The following PRKD1 variants were observed in gnomAD, a reference collection of about 807,000 sequenced individuals.
PRKD1 encodes the protein protein kinase D1, also known as serine/threonine-protein kinase D1.
In PRKD1, 63 loss-of-function variants were observed where a neutral mutation model predicts 95.9. The observed-to-expected ratio is 0.66, with a 90% CI of 0.54 to 0.81. The LOEUF is 0.81. Ranked by LOEUF, PRKD1 falls within the 30% of genes least tolerant of loss-of-function variation. The pLI is 0.00. For synonymous variants in PRKD1, 425 were observed against 423.1 expected (o/e 1.00, Z -0.05); for missense variants, 1,048 against 1,165.3 (o/e 0.90, Z 1.47).
rs931935261 is a variant in PRKD1, at chr14:29,808,177, C to T, written c.265-82503G>A. Among the ~76,000 whole-genome samples the T allele has an allele frequency of 7.9e-5, 12 of 152,156 alleles. No individual in the cohort carries two copies. In the East Asian group the frequency reaches 2.1e-3, roughly 27 times the overall value. ...TCAATCCTCTCAAATCCTGCCACTGCTTTATCAACTAAGTTTATGTAAAAC... is the reference window on the plus strand; with the variant it reads ...TCAATCCTCTCAAATCCTGCCACTGTTTTATCAACTAAGTTTATGTAAAAC... On this transcript the variant is annotated intron_variant, in intron 1 of 17. Coordinates refer to ENST00000331968, the MANE Select transcript of PRKD1 (RefSeq NM_002742.3).
chr14:29,722,106 G>A (rs1172027298), intron 2 of PRKD1, among the ~76,000 whole-genome samples: 1 of 151,974 alleles, frequency 6.6e-6, no homozygotes, highest in Non-Finnish European at 1.5e-5. Context: ...CATTTTTACT[G>A]CAGTCCTGTG....
chr14:29,927,354 C>T lies in PRKD1; in HGVS notation c.159G>A (p.Leu53=). The T allele has an allele frequency of 6.4e-7, 1 of 1,566,602 alleles. No individual in the cohort carries two copies. Among genetic ancestry groups the T allele is most frequent in the African/African-American group, 1.4e-5 (1 of 71,618 alleles). The change falls in exon 1 of 18, where the codon CTG becomes CTA. Residue 53 remains leucine (L), a synonymous_variant. Coordinates refer to ENST00000331968, the MANE Select transcript of PRKD1 (RefSeq NM_002742.3). ...CCGGCTCACGGCTCAGGCCGATCTG[C>T]AGATGGAACGAGATGCCCCCGACCG... ...AAPVGGISFH[L]QIGLSREPVL...
intron 1 of PRKD1, among the ~76,000 whole-genome samples, chr14:29,763,263 C>A (rs1193948653): frequency 1.3e-5 from 2 of 148,698 alleles, no homozygotes; most frequent in African/African-American, 5.0e-5. Flanking sequence ...TGCCCCTGCA[C>A]TCCAACCTGG....
At chr14:29,634,028 G>A (rs79685588) in intron 8 of PRKD1, among the ~76,000 whole-genome samples, 1 of 152,178 alleles carries the variant, frequency 6.6e-6, no homozygotes, top group Admixed American at 6.5e-5. Flanking sequence ...ACTTAGTTAA[G>A]GACTTACGAA....
chr14:29,885,752 A>G (rs1200379641), intron 1 of PRKD1, among the ~76,000 whole-genome samples: 1 of 145,222 alleles, frequency 6.9e-6, no homozygotes, highest in Non-Finnish European at 1.5e-5. Flanking sequence ...GGATCACTTC[A>G]GGTCAGGAGT....
At chr14:29,891,766 T>C (rs370116955) in intron 1 of PRKD1, among the ~76,000 whole-genome samples, 2 of 151,962 alleles carry the variant, frequency 1.3e-5, no homozygotes, top group African/African-American at 2.4e-5. Flanking sequence ...TCACAGAAAA[T>C]ATACGCTGCT....
At chr14:29,892,715 A>G (rs1256079849) in intron 1 of PRKD1, among the ~76,000 whole-genome samples, 2 of 152,160 alleles carry the variant, frequency 1.3e-5, no homozygotes, top group Non-Finnish European at 2.9e-5. Flanking sequence ...GACCCATCAG[A>G]CTGAGATGTT....
chr14:29,806,975 C>T (rs1260963148), intron 1 of PRKD1, among the ~76,000 whole-genome samples: 1 of 152,034 alleles, frequency 6.6e-6, no homozygotes, highest in Non-Finnish European at 1.5e-5. Context: ...AAAAGCTATG[C>T]TTACACTACA....
chr14:29,706,418 C>A (rs773029024), intron 2 of PRKD1, among the ~76,000 whole-genome samples: 4 of 152,050 alleles, frequency 2.6e-5, no homozygotes, highest in Non-Finnish European at 4.4e-5. Flanking sequence ...GTTTTAAAAA[C>A]CCACACTAAC....
intron 1 of PRKD1, among the ~76,000 whole-genome samples, chr14:29,905,953 A>C (rs969467829): frequency 7.9e-5 from 12 of 152,356 alleles, no homozygotes; most frequent in Non-Finnish European, 1.8e-4. Context: ...AGAAGGCTTA[A>C]ACACTGCATG....
At chr14:29,832,751 C>T (rs531336783) in intron 1 of PRKD1, among the ~76,000 whole-genome samples, 1 of 152,070 alleles carries the variant, frequency 6.6e-6, no homozygotes, top group Admixed American at 6.5e-5. Context: ...TGGAACTATC[C>T]TTTCATTTTC....
intron 1 of PRKD1, among the ~76,000 whole-genome samples, chr14:29,759,261 GA>G (rs1190319100): frequency 6.6e-6 from 1 of 151,948 alleles, no homozygotes; most frequent in African/African-American, 2.4e-5. Context: ...AAAAAGAAGA[GA>G]AAAAATGAAC....
chr14:29,616,054 C>T (rs1878830434), intron 13 of PRKD1, among the ~76,000 whole-genome samples: 1 of 151,884 alleles, frequency 6.6e-6, no homozygotes, highest in African/African-American at 2.4e-5. Flanking sequence ...GTGACTCTCT[C>T]AAAATGGATG....
chr14:29,827,143 T>C (rs1009303724), intron 1 of PRKD1, among the ~76,000 whole-genome samples: 2 of 151,626 alleles, frequency 1.3e-5, no homozygotes, highest in Non-Finnish European at 2.9e-5. Context: ...GCTCAGGTGA[T>C]GGGTGCACCA....
intron 1 of PRKD1, among the ~76,000 whole-genome samples, chr14:29,773,309 A>T (rs926869973): frequency 2.6e-5 from 4 of 151,980 alleles, no homozygotes. Flanking sequence ...AAAATACAAA[A>T]ATTAGCTGGG....
intron 13 of PRKD1, among the ~76,000 whole-genome samples, chr14:29,605,380 A>C (rs1477094679): frequency 2.0e-5 from 3 of 152,102 alleles, no homozygotes; most frequent in Non-Finnish European, 4.4e-5. Flanking sequence ...TTGTCTCTTC[A>C]CCCAAATATC....
chr14:29,836,212 AAG>A (rs1375189656), intron 1 of PRKD1, among the ~76,000 whole-genome samples: 1 of 152,222 alleles, frequency 6.6e-6, no homozygotes, highest in Non-Finnish European at 1.5e-5. Context: ...TTTGGAAAGC[AAG>A]CTGGAGCTGA....
intron 2 of PRKD1, among the ~76,000 whole-genome samples, chr14:29,705,229 C>T (rs976983618): frequency 3.3e-5 from 5 of 152,072 alleles, no homozygotes; most frequent in African/African-American, 1.2e-4. Context: ...AGCTTCTTGA[C>T]ATTTTTATCC....
At chr14:29,834,090 T>C (rs1891520418) in intron 1 of PRKD1, among the ~76,000 whole-genome samples, 1 of 152,182 alleles carries the variant, frequency 6.6e-6, no homozygotes. Flanking sequence ...AATTTTAACA[T>C]TAAATACTAT....
Sources: gnomAD v4.1 joint callset for allele counts (sites outside exome capture counted in the v4.1 genomes callset) on GRCh38, gnomAD v4.1.1 for gene constraint, MANE v1.5 for transcripts, NCBI Gene and HGNC (gene_info 2026-07-23, HGNC 2026-07-21) for gene names.